Variants in VCP observed in about 807,000 individuals in gnomAD.
The protein encoded by VCP is valosin containing protein.
In VCP, 6 loss-of-function variants were observed where a neutral mutation model predicts 85.7. The ratio of observed to expected loss-of-function variants is 0.07; its 90% CI spans 0.04 to 0.14. VCP has a LOEUF of 0.14. VCP is among the 10% of genes least tolerant of loss of function. The pLI, the probability that VCP is intolerant of heterozygous loss-of-function variation, is 1.00. For synonymous variants in VCP, 384 were observed against 367.1 expected (o/e 1.05, Z -0.53); for missense variants, 353 against 1,043.4 (o/e 0.34, Z 9.12).
intron 10 of VCP, 128 bp from the exon 11 acceptor site, chr9:35,061,307 A>G: frequency 1.5e-6 from 2 of 1,295,058 alleles, no homozygotes; most frequent in South Asian, 1.2e-5. Flanking sequence ...ATATACTATC[A>G]ATACCTTTAT....
chr9:35,059,798 G>A lies in VCP; in HGVS notation c.1699C>T (p.Arg567Cys), dbSNP rs1828684850. 5.6e-6 allele frequency: 9 copies of A among 1,614,086 alleles called. No homozygotes were observed. The highest frequency in any genetic ancestry group is 2.2e-5 in the East Asian group (1 of 44,888). Residue 567 changes from arginine (R) to cysteine (C), a missense_variant, in exon 14 of 17, where the codon CGC (arginine) becomes TGC (cysteine). Physicochemically the swap from Arg to Cys is radical, Grantham distance 180 (BLOSUM62 -3). This residue lies in a region of VCP where 30 missense variants were observed against 192.3 expected (regional missense o/e 0.16). Coordinates refer to ENST00000358901, the MANE Select transcript of VCP (RefSeq NM_007126.5). This position sits in a 1 kb window ranked among gnomAD's most constrained non-coding sequence, Gnocchi z 4.9. ...ANVREIFDKA[R>C]QAAPCVLFFD... ...AATAGCACACAGGGGGCAGCTTGGCGGGCCTGTAGGAGGAATGGATTGATT... is the reference window on the plus strand; with the variant it reads ...AATAGCACACAGGGGGCAGCTTGGCAGGCCTGTAGGAGGAATGGATTGATT...
Position 35,056,382 on chromosome 9 carries a change from TC to T in VCP, c.*734del, listed in dbSNP as rs1262808828. Reference sequence around the variant, plus strand: ...GGCTGCTCCCTTTCCACCAGTCCTATCCAGTGATACTGCAGACAAAGGGTGA... The same window carrying T: ...GGCTGCTCCCTTTCCACCAGTCCTATCAGTGATACTGCAGACAAAGGGTGA... On this transcript the variant is annotated 3_prime_UTR_variant, in exon 17 of 17. Transcript: ENST00000358901. 1 of 154,086 alleles carries T rather than the reference TC, an allele frequency of 6.5e-6. No individual in the cohort carries two copies. Among genetic ancestry groups the T allele is most frequent in the African/African-American group, 2.4e-5 (1 of 41,410 alleles). 9.5% of individuals were successfully genotyped at this position (154,086 alleles called of 1,614,324 possible). A position where few individuals can be genotyped will look rare whatever the true frequency, so the allele number is the denominator to read the frequency against.
intron 2 of VCP, 85 bp downstream of exon 2, chr9:35,068,166 A>G: frequency 6.2e-7 from 1 of 1,605,526 alleles, no homozygotes; most frequent in Middle Eastern, 1.7e-4. Context: ...ATCTGCAGTC[A>G]CTGCAAGAAA....
chr9:35,060,561 C>G (rs766228683), intron 12 of VCP, 36 bp from the exon 13 acceptor site: 2 of 1,604,056 alleles, frequency 1.2e-6, no homozygotes, highest in Non-Finnish European at 1.7e-6. Flanking sequence ...AAGGCTACCT[C>G]CACATTTTGA....
In VCP at chr9:35,056,732, TA is replaced by T. The variant is rs532445930; in HGVS notation, c.*384del. ...CCCCTACCCACCTACCCAGGTTGGATAGGGGGAAGGGAGGGCTCGGGCAGCA... is the reference window on the plus strand; with the variant it reads ...CCCCTACCCACCTACCCAGGTTGGATGGGGGAAGGGAGGGCTCGGGCAGCA... On this transcript the variant is annotated 3_prime_UTR_variant, in exon 17 of 17. Coordinates refer to ENST00000358901, the MANE Select transcript of VCP (RefSeq NM_007126.5). The T allele has an allele frequency of 2.5e-4, 75 of 296,358 alleles. No individual in the cohort carries two copies. The highest frequency in any genetic ancestry group is 9.9e-4 in the East Asian group (12 of 12,168). The allele number at this position is 296,358 out of a possible 1,614,324, so 18.4% of individuals were successfully genotyped here.
At chr9:35,067,836 A>C in intron 3 of VCP, 55 bp downstream of exon 3, 4 of 1,609,288 alleles carry the variant, frequency 2.5e-6, no homozygotes, top group Non-Finnish European at 3.4e-6. Flanking sequence ...TCCTGCCTGT[A>C]ATGCAGGCTA....
Position 35,072,420 on chromosome 9 carries a change from G to T in VCP, c.-67C>A. 2.1e-6 allele frequency: 3 copies of T among 1,442,720 alleles called. No homozygotes were observed. The South Asian group carries it at 4.1e-5, about 20-fold the overall frequency. The allele number at this position is 1,442,720 out of a possible 1,614,324, so 89.4% of individuals were successfully genotyped here. A position where few individuals can be genotyped will look rare whatever the true frequency, so the allele number is the denominator to read the frequency against. On this transcript the variant is annotated 5_prime_UTR_variant, in exon 1 of 17. Transcript: ENST00000358901. ...GTAACGGCTACGAGCGGTGGCAAGC[G>T]ACCGACTGGGCCGGGGCTCGGCTCT...
intron 1 of VCP, among the ~76,000 whole-genome samples, chr9:35,070,379 T>C (rs1410011134): frequency 6.6e-6 from 1 of 152,202 alleles, no homozygotes; most frequent in African/African-American, 2.4e-5. Context: ...ATCTTCTTGC[T>C]TGACTTATAG....
intron 4 of VCP, among the ~76,000 whole-genome samples, chr9:35,066,233 C>A (rs1276053823): frequency 1.3e-5 from 2 of 151,362 alleles, no homozygotes; most frequent in Non-Finnish European, 2.9e-5. Flanking sequence ...CAGTTTGAGA[C>A]CAGCCTGGGC....
chr9:35,057,106 GCCA>G lies in VCP; in HGVS notation c.*8_*10del, dbSNP rs1828624248. On this transcript the variant is annotated 3_prime_UTR_variant, in exon 17 of 17. Coordinates refer to ENST00000358901, the MANE Select transcript of VCP (RefSeq NM_007126.5). ...AGGCAGGCCAGCTCACTGCACGCTG[GCCA>G]CCACCACTTAGCCATACAGGTCATC... 2 of 1,613,650 alleles carry G rather than the reference GCCA, an allele frequency of 1.2e-6. No homozygotes were observed. Among genetic ancestry groups the G allele is most frequent in the Non-Finnish European group, 8.5e-7 (1 of 1,179,800 alleles).
In VCP at chr9:35,056,902, G is replaced by A. The variant is rs940364618; in HGVS notation, c.*215C>T. 8 of 557,454 alleles carry A rather than the reference G, an allele frequency of 1.4e-5. No individual in the cohort carries two copies. The highest frequency in any genetic ancestry group is 4.9e-4 in the Middle Eastern group (1 of 2,024). 34.5% of individuals were successfully genotyped at this position (557,454 alleles called of 1,614,324 possible). ...ATTCCCTGTTGGTAATTCACTCTCC[G>A]CCTACCAAATGAAAATCGCTTTTAT... is the stretch of plus-strand genomic sequence containing the variant. On this transcript the variant is annotated 3_prime_UTR_variant, in exon 17 of 17. Transcript: ENST00000358901.
chr9:35,059,878 T>C lies in VCP; in HGVS notation c.1696-77A>G. On this transcript the variant is annotated intron_variant, in intron 13 of 16. Transcript: ENST00000358901. The surrounding 1 kb of genome is among the most constrained non-coding windows in gnomAD (Gnocchi z 4.9). ...GCAAACGTGGTGGCTCACACCTGTA[T>C]TCCCAGCACTTTGGGAGGCCAAGGT... The C allele has an allele frequency of 6.3e-7, 1 of 1,589,832 alleles. No individual in the cohort carries two copies. The highest frequency in any genetic ancestry group is 1.1e-5 in the South Asian group (1 of 89,816).
chr9:35,066,757 G>C lies in VCP; in HGVS notation c.363C>G (p.Asp121Glu). ...GATTACCAGTAATGCCTTCCACTGT[G>C]TCATCAATGGGCAGCACATGGATAC... ...GKRIHVLPID[D>E]TVEGITGNLF... Residue 121 changes from aspartate (D) to glutamate (E), a missense_variant, in exon 4 of 17, where the codon GAC becomes GAG. Coordinates refer to ENST00000358901, the MANE Select transcript of VCP (RefSeq NM_007126.5). The C allele has an allele frequency of 1.2e-6, 2 of 1,614,134 alleles. No homozygotes were observed. The highest frequency in any genetic ancestry group is 1.7e-6 in the Non-Finnish European group (2 of 1,180,036).
At position 35,072,291 on chromosome 9, in the gene VCP, C is replaced by A; in HGVS notation, c.17+46G>T. 3 of 1,483,708 alleles carry A rather than the reference C, an allele frequency of 2.0e-6. No individual in the cohort carries two copies. The South Asian group carries it at 3.8e-5, about 19-fold the overall frequency. 91.9% of individuals were successfully genotyped at this position (1,483,708 alleles called of 1,614,324 possible). On this transcript the variant is annotated intron_variant, in intron 1 of 16. Coordinates refer to ENST00000358901, the MANE Select transcript of VCP (RefSeq NM_007126.5). ...GCCGGGCCTACCCTGCGCGGCTGGTCCCGGTGCGCGCCGCCGCAGCAAGCG... is the reference window on the plus strand; with the variant it reads ...GCCGGGCCTACCCTGCGCGGCTGGTACCGGTGCGCGCCGCCGCAGCAAGCG...
chr9:35,069,715 G>C (rs888415841), intron 1 of VCP, among the ~76,000 whole-genome samples: 1 of 152,156 alleles, frequency 6.6e-6, no homozygotes, highest in Admixed American at 6.5e-5. Context: ...GCCTCCCAAA[G>C]TACTGGGATT....
chr9:35,068,113 A>G (rs780896876), intron 2 of VCP, 50 bp from the exon 3 acceptor site: 20 of 1,612,638 alleles, frequency 1.2e-5, no homozygotes, highest in Non-Finnish European at 1.7e-5. Context: ...ACGGGGAGTA[A>G]GCAGCAGCCC....
chr9:35,068,921 T>A (rs1156296513), intron 1 of VCP, among the ~76,000 whole-genome samples: 2 of 152,186 alleles, frequency 1.3e-5, no homozygotes, highest in Non-Finnish European at 2.9e-5. Context: ...GCACATGGTA[T>A]TAATGGTCAC....
rs1828673904 is a variant in VCP, at chr9:35,059,286, T to C, written c.2005-67A>G. The C allele has an allele frequency of 6.2e-7, 1 of 1,604,010 alleles. No homozygotes were observed. The highest frequency in any genetic ancestry group is 1.1e-5 in the South Asian group (1 of 89,834). Reference sequence around the variant, plus strand: ...TCTCGAGATACGCAGATCTTTGGGCTACCCGAGCACTCCCAACTACAGTTT... The same window carrying C: ...TCTCGAGATACGCAGATCTTTGGGCCACCCGAGCACTCCCAACTACAGTTT... On this transcript the variant is annotated intron_variant, in intron 14 of 16. Transcript: ENST00000358901. The surrounding 1 kb of genome is among the most constrained non-coding windows in gnomAD (Gnocchi z 4.9).
Position 35,059,562 on chromosome 9 carries a change from G to A in VCP, c.1935C>T (p.Ile645=). The change falls in exon 14 of 17, where the codon ATC becomes ATT. Residue 645 remains isoleucine (I), a synonymous_variant. Transcript: ENST00000358901. This position sits in a 1 kb window ranked among gnomAD's most constrained non-coding sequence, Gnocchi z 4.9. The stretch of plus-strand genomic sequence containing the variant: ...CACGGGACTTCTCATCAGGAAGTGG[G>A]ATGTAGATGAGCTGATCAAGACGGC... ...RPGRLDQLIY[I]PLPDEKSRVA... 4 of 1,614,206 alleles carry A rather than the reference G, an allele frequency of 2.5e-6. No homozygotes were observed. The highest frequency in any genetic ancestry group is 1.6e-4 in the Middle Eastern group (1 of 6,062).
Sources: gnomAD v4.1 joint callset for allele counts (sites outside exome capture counted in the v4.1 genomes callset) on GRCh38, gnomAD v4.1.1 for gene constraint, gnomAD v4.1.1 regional missense constraint, Gnocchi (gnomAD v3.1) non-coding constraint, MANE v1.5 for transcripts, NCBI Gene and HGNC (gene_info 2026-07-23, HGNC 2026-07-21) for gene names.